BPNT2: variants seen among roughly 807,000 people sequenced by gnomAD.
The protein encoded by BPNT2 is Golgi-resident adenosine 3',5'-bisphosphate 3'-phosphatase.
BPNT2 carries 11 observed loss-of-function variants against 29.3 expected under a neutral mutation model. That is an observed-to-expected ratio of 0.38 (90% CI 0.24 to 0.62). The LOEUF is 0.62. BPNT2 is among the 20% of genes least tolerant of loss of function. The pLI is 0.62. For missense variants in BPNT2, 459 were observed against 473.4 expected (o/e 0.97, Z 0.28); for synonymous variants, 195 against 187.7 (o/e 1.04, Z -0.32).
rs1350263029 is a variant in BPNT2 at position 56,959,218 on chromosome 8, C to G, written c.*4575G>C. ...CTTCTGAAAGTTTGGTTTATGTTAT[C>G]TTATCTAGAAAGAAAACTACTTACA... On this transcript the variant is annotated 3_prime_UTR_variant, in exon 5 of 5. Transcript: ENST00000262644. 6.6e-6 allele frequency: 1 copy of G among 152,160 alleles called. No homozygotes were observed. Among genetic ancestry groups the G allele is most frequent in the Non-Finnish European group, 1.5e-5 (1 of 68,022 alleles). The allele number at this position is 152,160 out of a possible 1,614,324, so 9.4% of individuals were successfully genotyped here. A position where few individuals can be genotyped will look rare whatever the true frequency, so the allele number is the denominator to read the frequency against.
intron 3 of BPNT2, among the ~76,000 whole-genome samples, chr8:56,966,923 C>G (rs1161184754): frequency 6.6e-6 from 1 of 152,096 alleles, no homozygotes; most frequent in African/African-American, 2.4e-5. Flanking sequence ...AAACAGAAAA[C>G]AGTTAAAAGA....
At chr8:56,986,160 T>G (rs1806324250) in intron 1 of BPNT2, among the ~76,000 whole-genome samples, 1 of 152,224 alleles carries the variant, frequency 6.6e-6, no homozygotes, top group Non-Finnish European at 1.5e-5. Context: ...CTAAGTAGTT[T>G]AAGAGCCAGA....
Position 56,964,007 on chromosome 8 carries a change from A to T in BPNT2, c.866T>A (p.Leu289Ter). 6.2e-7 allele frequency: 1 copy of T among 1,610,794 alleles called. No individual in the cohort carries two copies. Among genetic ancestry groups the T allele is most frequent in the Non-Finnish European group, 8.5e-7 (1 of 1,177,920 alleles). The change falls in exon 5 of 5, where the codon TTA (leucine) becomes TAA (stop). Residue 289 changes from leucine to a stop codon, truncating the protein, a stop_gained. Transcript: ENST00000262644. LOFTEE classifies it high-confidence loss of function. ...TTTGATGTATGTCACATGGATGTAT[A>T]AATCAGCTTTTTCTTGACTCTTATC... Reference protein sequence around the residue: ...VPDKSQEKADLYIHVTYIKKW... With the variant: ...VPDKSQEKAD
intron 3 of BPNT2, among the ~76,000 whole-genome samples, chr8:56,974,979 T>A (rs1806109197): frequency 6.6e-6 from 1 of 152,200 alleles, no homozygotes; most frequent in Non-Finnish European, 1.5e-5. Context: ...TTATTGAGCT[T>A]CCAATTCTCT....
At chr8:56,967,311 T>C in intron 3 of BPNT2, 1 of 452,134 alleles carries the variant, frequency 2.2e-6, no homozygotes. Flanking sequence ...TCATACCTCC[T>C]TCTAAAAACT....
rs562200224 is a variant in BPNT2, at chr8:56,966,232, G to A, written c.767C>T (p.Thr256Ile). ...SGMVKQVALQ[T>I]FGNQTTIIPA... ...GATAATTGTAGTCTGGTTTCCAAAA[G>A]TCTGAAGAGCGACCTGTTTGACCAT... Residue 256 changes from threonine to isoleucine, a missense_variant, in exon 4 of 5, where the codon ACT (threonine) becomes ATT (isoleucine). Coordinates refer to ENST00000262644, the MANE Select transcript of BPNT2 (RefSeq NM_017813.5). 2.5e-6 allele frequency: 4 copies of A among 1,614,174 alleles called. No individual in the cohort carries two copies. Among genetic ancestry groups the A allele is most frequent in the Admixed American group, 3.3e-5 (2 of 60,028 alleles).
Position 56,966,266 on chromosome 8 carries a change from G to A in BPNT2, c.733C>T (p.His245Tyr). The A allele has an allele frequency of 1.9e-6, 3 of 1,613,974 alleles. No homozygotes were observed. The highest frequency in any genetic ancestry group is 2.5e-6 in the Non-Finnish European group (3 of 1,179,864). Reference protein sequence around the residue: ...KTPRIVVSRSHSGMVKQVALQ... With the variant: ...KTPRIVVSRSYSGMVKQVALQ... ...GCGACCTGTTTGACCATCCCTGAATGGGAACGAGACACAACGATCCTTGGG... is the reference window on the plus strand; with the variant it reads ...GCGACCTGTTTGACCATCCCTGAATAGGAACGAGACACAACGATCCTTGGG... Residue 245 changes from histidine (H) to tyrosine (Y), a missense_variant, in exon 4 of 5, where the codon CAT becomes TAT. Coordinates refer to ENST00000262644, the MANE Select transcript of BPNT2 (RefSeq NM_017813.5).
intron 1 of BPNT2, among the ~76,000 whole-genome samples, chr8:56,981,067 T>C (rs78334065): frequency 9.2e-4 from 140 of 152,182 alleles, no homozygotes; most frequent in Non-Finnish European, 1.6e-3. Flanking sequence ...GTCCTGTGCA[T>C]TGTAGGATGT....
At position 56,967,131 on chromosome 8, in the gene BPNT2, T is replaced by G. The variant is rs879854962; in HGVS notation, c.647-779A>C. On this transcript the variant is annotated intron_variant, in intron 3 of 4. Transcript: ENST00000262644. ...TTACTCAGAATTATCCCAATTAGATTGTTGTTTTAGCAGTCACTCACTACA... is the reference window on the plus strand; with the variant it reads ...TTACTCAGAATTATCCCAATTAGATGGTTGTTTTAGCAGTCACTCACTACA... 4 of 456,086 alleles carry G rather than the reference T, an allele frequency of 8.8e-6. No homozygotes were observed. In the Admixed American group the frequency reaches 9.4e-5, roughly 11 times the overall value. 28.3% of individuals were successfully genotyped at this position (456,086 alleles called of 1,614,324 possible).
At chr8:56,984,993 T>G (rs939341344) in intron 1 of BPNT2, among the ~76,000 whole-genome samples, 1 of 151,840 alleles carries the variant, frequency 6.6e-6, no homozygotes, top group Non-Finnish European at 1.5e-5. Flanking sequence ...TTCCCAGATC[T>G]CTGCATGACA....
At position 56,972,715 on chromosome 8, in the gene BPNT2, A is replaced by C. The variant is rs1018956971; in HGVS notation, c.646+5335T>G. 1.1e-4 allele frequency among the ~76,000 whole-genome samples: 17 copies of C among 152,134 alleles called. 1 individual carries two copies. The highest frequency in any genetic ancestry group is 2.0e-4 in the Admixed American group (3 of 15,274). Reference sequence around the variant, plus strand: ...ATTTTAGAAAGAGGTCTGGTTTTTAAAAATGCCAAGATAACAGGAGTAGCA... The same window carrying C: ...ATTTTAGAAAGAGGTCTGGTTTTTACAAATGCCAAGATAACAGGAGTAGCA... On this transcript the variant is annotated intron_variant, in intron 3 of 4. Transcript: ENST00000262644.
chr8:56,986,273 T>C (rs1247744222), intron 1 of BPNT2, among the ~76,000 whole-genome samples: 1 of 152,102 alleles, frequency 6.6e-6, no homozygotes, highest in Non-Finnish European at 1.5e-5. Context: ...AAAAAAAACA[T>C]TGCTGTTACT....
intron 1 of BPNT2, among the ~76,000 whole-genome samples, chr8:56,986,570 A>G (rs377481316): frequency 9.9e-5 from 15 of 152,212 alleles, no homozygotes; most frequent in African/African-American, 3.6e-4. Flanking sequence ...CCCATTGTGA[A>G]TTGAGAAGCA....
chr8:56,975,839 C>T (rs1806121654), intron 3 of BPNT2, among the ~76,000 whole-genome samples: 1 of 152,046 alleles, frequency 6.6e-6, no homozygotes, highest in Admixed American at 6.6e-5. Context: ...TTGATTCTAC[C>T]ACTAATTTAC....
rs146774784 is a variant in BPNT2 at position 56,981,133 on chromosome 8, C to A, written c.388-936G>T. Among the ~76,000 whole-genome samples, 107 of 152,258 alleles carry A rather than the reference C, an allele frequency of 7.0e-4. 1 individual carries two copies. Among genetic ancestry groups the A allele is most frequent in the African/African-American group, 2.4e-3 (100 of 41,544 alleles). Reference sequence around the variant, plus strand: ...AACGCACCAGATGCCAGCAACAACACCCTCAGGTGTGACAAACAAAAATGT... The same window carrying A: ...AACGCACCAGATGCCAGCAACAACAACCTCAGGTGTGACAAACAAAAATGT... On this transcript the variant is annotated intron_variant, in intron 1 of 4. Coordinates refer to ENST00000262644, the MANE Select transcript of BPNT2 (RefSeq NM_017813.5).
At chr8:56,965,081 A>T (rs1437631667) in intron 4 of BPNT2, among the ~76,000 whole-genome samples, 1 of 152,214 alleles carries the variant, frequency 6.6e-6, no homozygotes, top group African/African-American at 2.4e-5. Flanking sequence ...GCACTTTGGG[A>T]GGCCACAGCA....
Position 56,957,972 on chromosome 8 carries a change from G to C in BPNT2, c.*5821C>G, listed in dbSNP as rs886062998. ...AATTTATTCAGAGAATTCAAATTTC[G>C]TTTGGCAAAGTATATCCGGGGCAGA... On this transcript the variant is annotated 3_prime_UTR_variant, in exon 5 of 5. Coordinates refer to ENST00000262644, the MANE Select transcript of BPNT2 (RefSeq NM_017813.5). The C allele has an allele frequency of 6.6e-6, 1 of 152,048 alleles. No individual in the cohort carries two copies. Among genetic ancestry groups the C allele is most frequent in the East Asian group, 1.9e-4 (1 of 5,184 alleles). The allele number at this position is 152,048 out of a possible 1,614,324, so 9.4% of individuals were successfully genotyped here.
chr8:56,977,764 C>T (rs560976739), intron 3 of BPNT2, among the ~76,000 whole-genome samples: 4 of 143,846 alleles, frequency 2.8e-5, no homozygotes, highest in African/African-American at 1.0e-4. Flanking sequence ...GGAATAAACA[C>T]TTATAAGCCA....
rs1248408418 is a variant in BPNT2, at chr8:56,993,256, G to A, written c.330C>T (p.Asp110=). The change falls in exon 1 of 5, where the codon GAC becomes GAT. Residue 110 remains aspartate (D), a synonymous_variant. Transcript: ENST00000262644. ...EGAEDKMTSG[D]VLSNRKMFYL... ...AGAACATCTTGCGGTTGGACAGCAC[G>A]TCGCCGCTGGTCATCTTGTCCTCGG... 2.5e-6 allele frequency: 4 copies of A among 1,609,200 alleles called. No individual in the cohort carries two copies. The highest frequency in any genetic ancestry group is 1.1e-5 in the South Asian group (1 of 91,026).
Sources: gnomAD v4.1 joint callset for allele counts (sites outside exome capture counted in the v4.1 genomes callset) on GRCh38, gnomAD v4.1.1 for gene constraint, MANE v1.5 for transcripts, NCBI Gene and HGNC (gene_info 2026-07-23, HGNC 2026-07-21) for gene names.